THUMPD2: variants seen among roughly 807,000 people sequenced by gnomAD.
THUMPD2 encodes THUMP domain 2 tRNA and snRNA guanosine methyltransferase, also known as U6 snRNA (guanine-N(2))-methyltransferase THUMPD2.
In THUMPD2, 56 loss-of-function variants were observed where a neutral mutation model predicts 49.4. That is an observed-to-expected ratio of 1.13 (90% confidence interval 0.91 to 1.41). The LOEUF (loss-of-function observed/expected upper bound fraction) is 1.41. THUMPD2 is among the 40% of genes most tolerant of loss of function. The probability of loss-of-function intolerance (pLI) is 0.00; values close to 1 mark genes in which losing one functional copy is unlikely to be tolerated. For synonymous variants in THUMPD2, 237 were observed against 205.2 expected (o/e 1.15, Z -1.32); for missense variants, 709 against 594.5 (o/e 1.19, Z -2.00).
intron 1 of THUMPD2, among the ~76,000 whole-genome samples, chr2:39,775,510 C>A (rs1678953482): frequency 1.3e-5 from 2 of 152,152 alleles, no homozygotes; most frequent in South Asian, 4.2e-4. Context: ...TGGCTCATGC[C>A]TGTAATCCCA....
chr2:39,768,809 T>G (rs1677897119), intron 3 of THUMPD2: 6 of 979,864 alleles, frequency 6.1e-6, no homozygotes, highest in Non-Finnish European at 8.3e-6. Flanking sequence ...ATTCTGGGTT[T>G]CAGGAAATAG....
chr2:39,745,114 T>C (rs1674396700), intron 8 of THUMPD2, among the ~76,000 whole-genome samples: 2 of 152,178 alleles, frequency 1.3e-5, no homozygotes, highest in African/African-American at 4.8e-5. Context: ...AACATCCACA[T>C]CTTCTAGATG....
At chr2:39,750,524 T>A (rs925459594) in intron 8 of THUMPD2, among the ~76,000 whole-genome samples, 1 of 151,792 alleles carries the variant, frequency 6.6e-6, no homozygotes, top group African/African-American at 2.4e-5. Context: ...CTGGGCAACA[T>A]GGCGAAACCT....
At chr2:39,743,550 A>T in intron 9 of THUMPD2, among the ~76,000 whole-genome samples, 1 of 152,206 alleles carries the variant, frequency 6.6e-6, no homozygotes, top group East Asian at 1.9e-4. Flanking sequence ...GTGGGTAGAT[A>T]TCTCATGAAT....
intron 8 of THUMPD2, among the ~76,000 whole-genome samples, chr2:39,753,884 A>T (rs1046982235): frequency 2.6e-5 from 4 of 152,160 alleles, no homozygotes; most frequent in African/African-American, 9.7e-5. Flanking sequence ...TCCTTCCCTC[A>T]CTAAAGTCTA....
At chr2:39,769,664 G>A (rs1292381278) in intron 3 of THUMPD2, 46 bp downstream of exon 3, 2 of 1,465,738 alleles carry the variant, frequency 1.4e-6, no homozygotes. Context: ...TTGTGCAACT[G>A]CATTCCAGCC....
rs571545673 is a variant in THUMPD2, at chr2:39,760,917, AAC to A, written c.891+412_891+413del. ...AACTTCTTTCAAAATGGAGCAGTGA[AAC>A]ACACAGTAAGTAAAAATAATGGAGA... On this transcript the variant is annotated intron_variant, in intron 6 of 9. Coordinates refer to ENST00000505747, the MANE Select transcript of THUMPD2 (RefSeq NM_025264.5). Among the ~76,000 whole-genome samples the A allele has an allele frequency of 5.0e-3, 760 of 152,294 alleles. 6 individuals carry two copies. The highest frequency in any genetic ancestry group is 0.017 in the African/African-American group (706 of 41,570).
At chr2:39,740,661 G>C (rs1411737172) in intron 9 of THUMPD2, among the ~76,000 whole-genome samples, 2 of 151,440 alleles carry the variant, frequency 1.3e-5, no homozygotes, top group African/African-American at 2.4e-5. Context: ...TCCGTCACCT[G>C]GGCAGCTTGA....
chr2:39,765,998 A>T, intron 5 of THUMPD2, 59 bp downstream of exon 5: 1 of 1,364,474 alleles, frequency 7.3e-7, no homozygotes, highest in Non-Finnish European at 1.0e-6. Flanking sequence ...AATAAAAAAC[A>T]CAAGTTCTTA....
chr2:39,749,150 T>C (rs944130291), intron 8 of THUMPD2, among the ~76,000 whole-genome samples: 1 of 152,178 alleles, frequency 6.6e-6, no homozygotes, highest in Non-Finnish European at 1.5e-5. Context: ...TAGCATGATG[T>C]TGTGGCCCAC....
At chr2:39,737,115 A>C in intron 9 of THUMPD2, 56 bp from the exon 10 acceptor site, 2 of 1,433,096 alleles carry the variant, frequency 1.4e-6, no homozygotes, top group Non-Finnish European at 1.9e-6. Context: ...ACAACAAACA[A>C]TCCCACTTCA....
chr2:39,758,344 C>T (rs949547404), intron 6 of THUMPD2, among the ~76,000 whole-genome samples: 2 of 152,070 alleles, frequency 1.3e-5, no homozygotes, highest in African/African-American at 4.8e-5. Context: ...AAAGAGGCTC[C>T]CTCCTCCACT....
Position 39,744,318 on chromosome 2 carries a change from G to A in THUMPD2, c.1187+52C>T, listed in dbSNP as rs74617165. ...TAACTGAAGAGCTATGATGTATTTC[G>A]GTTAAATGCCCAGTAGCTAAAAAAA... On this transcript the variant is annotated intron_variant, in intron 9 of 9. Coordinates refer to ENST00000505747, the MANE Select transcript of THUMPD2 (RefSeq NM_025264.5). 8.7e-4 allele frequency: 946 copies of A among 1,089,874 alleles called. 13 individuals are homozygous for A. In the East Asian group the frequency reaches 0.023, roughly 27 times the overall value. 67.5% of individuals were successfully genotyped at this position (1,089,874 alleles called of 1,614,324 possible). A position where few individuals can be genotyped will look rare whatever the true frequency, so the allele number is the denominator to read the frequency against.
chr2:39,766,891 T>C (rs1677593368), intron 4 of THUMPD2, among the ~76,000 whole-genome samples: 1 of 152,234 alleles, frequency 6.6e-6, no homozygotes, highest in African/African-American at 2.4e-5. Context: ...GATTAACTGA[T>C]ACATCACAGC....
chr2:39,771,460 A>G (rs775594200), intron 2 of THUMPD2, 45 bp downstream of exon 2: 1 of 1,549,856 alleles, frequency 6.5e-7, no homozygotes, highest in Non-Finnish European at 8.7e-7. Flanking sequence ...TTGGAGTACA[A>G]TGTATCATGT....
At chr2:39,777,302 C>T (rs1572900297) in intron 1 of THUMPD2, among the ~76,000 whole-genome samples, 1 of 152,142 alleles carries the variant, frequency 6.6e-6, no homozygotes, top group Non-Finnish European at 1.5e-5. Context: ...TATATAAGAT[C>T]TGCACACAGG....
At chr2:39,751,247 C>T (rs1159078172) in intron 8 of THUMPD2, among the ~76,000 whole-genome samples, 1 of 152,208 alleles carries the variant, frequency 6.6e-6, no homozygotes, top group African/African-American at 2.4e-5. Flanking sequence ...AGAAAACAAA[C>T]CAGTATGAAA....
intron 5 of THUMPD2, among the ~76,000 whole-genome samples, chr2:39,762,150 A>G (rs1248541369): frequency 6.6e-6 from 1 of 152,270 alleles, no homozygotes; most frequent in South Asian, 2.1e-4. Flanking sequence ...CAACTTTCCA[A>G]GCTTTTCTAG....
At chr2:39,738,892 C>G (rs188100090) in intron 9 of THUMPD2, among the ~76,000 whole-genome samples, 1 of 151,778 alleles carries the variant, frequency 6.6e-6, no homozygotes, top group Non-Finnish European at 1.5e-5. Context: ...TTCAGCTGTA[C>G]AGGAAAAGAA....
Sources: allele counts gnomAD v4.1 joint callset (sites outside exome capture counted in the v4.1 genomes callset), GRCh38; gene constraint gnomAD v4.1.1; transcripts MANE v1.5; gene names NCBI Gene and HGNC (gene_info 2026-07-23, HGNC 2026-07-21).